Variants in EFR3A observed in about 807,000 individuals in gnomAD.
EFR3A encodes EFR3 homolog A, also known as protein EFR3 homolog A.
In EFR3A, 76 loss-of-function variants were observed where a neutral mutation model predicts 104.4. The observed-to-expected ratio is 0.73, with a 90% CI of 0.60 to 0.88. EFR3A has a LOEUF of 0.88. Ranked by LOEUF, EFR3A falls within the 40% of genes least tolerant of loss-of-function variation. The pLI, the probability that EFR3A is intolerant of heterozygous loss-of-function variation, is 0.00. For synonymous variants in EFR3A, 330 were observed against 330.0 expected (o/e 1.00, Z 0.00); for missense variants, 985 against 1,012.5 (o/e 0.97, Z 0.37).
chr8:132,000,373 C>T (rs1216172298), intron 19 of EFR3A, among the ~76,000 whole-genome samples: 3 of 152,134 alleles, frequency 2.0e-5, no homozygotes. Flanking sequence ...CATGATCCAC[C>T]CGCCTCCGCC....
At chr8:131,937,669 A>T (rs1464470570) in intron 1 of EFR3A, among the ~76,000 whole-genome samples, 1 of 152,194 alleles carries the variant, frequency 6.6e-6, no homozygotes, top group Non-Finnish European at 1.5e-5. Context: ...AAGGCACTAG[A>T]CATACAATTG....
intron 22 of EFR3A, among the ~76,000 whole-genome samples, chr8:132,005,867 A>G (rs1384979829): frequency 1.3e-5 from 2 of 152,154 alleles, no homozygotes; most frequent in Non-Finnish European, 2.9e-5. Flanking sequence ...GTGGGACTAT[A>G]GCAAGTGTAA....
chr8:131,927,829 G>A (rs1453733791), intron 1 of EFR3A, among the ~76,000 whole-genome samples: 1 of 152,046 alleles, frequency 6.6e-6, no homozygotes, highest in Non-Finnish European at 1.5e-5. Context: ...AAAAGTGAGA[G>A]TATAAAAAGA....
At chr8:131,926,014 AG>A (rs1817281112) in intron 1 of EFR3A, among the ~76,000 whole-genome samples, 1 of 152,132 alleles carries the variant, frequency 6.6e-6, no homozygotes, top group Non-Finnish European at 1.5e-5. Context: ...CACACTGTCA[AG>A]GCTAAAGCCA....
chr8:131,933,806 GT>G (rs1055878835), intron 1 of EFR3A, among the ~76,000 whole-genome samples: 31 of 146,540 alleles, frequency 2.1e-4, no homozygotes, highest in African/African-American at 2.2e-4. Context: ...AAAAGGTGCT[GT>G]TTTTTTTTTT....
Position 131,987,680 on chromosome 8 carries a change from T to G in EFR3A, c.2043T>G (p.Val681=), listed in dbSNP as rs1424069881. ...GSGYSVERLS[V]PYVPQVTDED... is the part of the protein sequence containing the mutation. The stretch of plus-strand genomic sequence containing the variant: ...GATATAGTGTTGAGAGATTGTCAGT[T>G]CCGTATGTACCACAAGTAACAGGTA... The change falls in exon 18 of 23, where the codon GTT becomes GTG. Residue 681 remains valine (V), a synonymous_variant. Coordinates refer to ENST00000254624, the MANE Select transcript of EFR3A (RefSeq NM_015137.6). 2 of 1,595,482 alleles carry G rather than the reference T, an allele frequency of 1.3e-6. No homozygotes were observed. The highest frequency in any genetic ancestry group is 4.5e-5 in the East Asian group (2 of 44,434).
chr8:132,004,207 C>A (rs1391892627), intron 22 of EFR3A, among the ~76,000 whole-genome samples: 1 of 152,120 alleles, frequency 6.6e-6, no homozygotes, highest in African/African-American at 2.4e-5. Flanking sequence ...AATTTAAGAA[C>A]AGAAAATCAG....
rs1347231322 is a variant in EFR3A at position 131,944,819 on chromosome 8, T to A, written c.162T>A (p.Ile54=). ...AVSAPEKLDR[I]GSYLAERLSR... ...CTGCTCCAGAGAAACTGGATCGAATTGGTTCTTACCTGGCAGAAAGGTTGA... is the reference window on the plus strand; with the variant it reads ...CTGCTCCAGAGAAACTGGATCGAATAGGTTCTTACCTGGCAGAAAGGTTGA... The change falls in exon 3 of 23, where the codon ATT becomes ATA. Residue 54 remains isoleucine, a synonymous_variant. Coordinates refer to ENST00000254624, the MANE Select transcript of EFR3A (RefSeq NM_015137.6). 1.9e-6 allele frequency: 3 copies of A among 1,610,568 alleles called. No individual in the cohort carries two copies. The highest frequency in any genetic ancestry group is 1.7e-6 in the Non-Finnish European group (2 of 1,178,262).
intron 2 of EFR3A, among the ~76,000 whole-genome samples, chr8:131,941,072 A>G (rs1012487177): frequency 2.0e-5 from 3 of 152,118 alleles, no homozygotes; most frequent in African/African-American, 7.2e-5. Context: ...GGTTGAGGAG[A>G]AGAAAGCCTG....
At chr8:132,005,259 G>C (rs933919577) in intron 22 of EFR3A, among the ~76,000 whole-genome samples, 1 of 152,134 alleles carries the variant, frequency 6.6e-6, no homozygotes, top group Non-Finnish European at 1.5e-5. Flanking sequence ...TGTGTCTTCA[G>C]AGTTTTCAGG....
intron 13 of EFR3A, 30 bp downstream of exon 13, chr8:131,979,049 G>A: frequency 6.4e-7 from 1 of 1,559,874 alleles, no homozygotes. Flanking sequence ...TGGATCTAAT[G>A]ATAATGTTTT....
chr8:131,968,775 T>C lies in EFR3A; in HGVS notation c.991+345T>C, dbSNP rs1819898904. ...TACTGTAATATGTGGCAAGCTTTGA[T>C]CACATATCATTTAAAAAGCCAGGGT... On this transcript the variant is annotated intron_variant, in intron 9 of 22. Coordinates refer to ENST00000254624, the MANE Select transcript of EFR3A (RefSeq NM_015137.6). 2.0e-5 allele frequency among the ~76,000 whole-genome samples: 3 copies of C among 152,154 alleles called. No homozygotes were observed. In the South Asian group the frequency reaches 6.2e-4, roughly 32 times the overall value.
chr8:131,977,871 C>G (rs1225020902), intron 12 of EFR3A, among the ~76,000 whole-genome samples: 2 of 151,930 alleles, frequency 1.3e-5, no homozygotes, highest in Non-Finnish European at 2.9e-5. Flanking sequence ...TCATTTGTAT[C>G]TTATATAAGA....
rs775731134 is a variant in EFR3A, at chr8:131,969,715, GTTAT to G, written c.992-757_992-754del. ...CTTGTAACTTGAAGAGATAAAACTG[GTTAT>G]TTAATTGGAAAGTTATTTAATTGCA... is the stretch of plus-strand genomic sequence containing the variant. On this transcript the variant is annotated intron_variant, in intron 9 of 22. Coordinates refer to ENST00000254624, the MANE Select transcript of EFR3A (RefSeq NM_015137.6). Among the ~76,000 whole-genome samples the G allele has an allele frequency of 6.0e-4, 91 of 151,914 alleles. 2 individuals are homozygous for G. The highest frequency in any genetic ancestry group is 5.8e-4 in the African/African-American group (24 of 41,360).
At chr8:131,979,730 T>C (rs1820513346) in intron 14 of EFR3A, among the ~76,000 whole-genome samples, 1 of 152,142 alleles carries the variant, frequency 6.6e-6, no homozygotes. Flanking sequence ...GATTCCTCTT[T>C]TAGCAGCTCT....
intron 17 of EFR3A, among the ~76,000 whole-genome samples, chr8:131,987,096 T>A (rs1230654614): frequency 6.6e-6 from 1 of 152,120 alleles, no homozygotes; most frequent in Non-Finnish European, 1.5e-5. Flanking sequence ...TTTGAAAGCA[T>A]CAGCATAAGA....
chr8:131,957,372 A>G (rs1270554774), intron 7 of EFR3A, among the ~76,000 whole-genome samples: 2 of 128,726 alleles, frequency 1.6e-5, no homozygotes, highest in Non-Finnish European at 3.1e-5. Context: ...TTTTTTTGAG[A>G]CAGAGTTTGC....
At chr8:131,999,069 CCTGAAATCACCACACTACTCTTCTCT>C (rs926776455) in intron 19 of EFR3A, among the ~76,000 whole-genome samples, 2 of 151,934 alleles carry the variant, frequency 1.3e-5, no homozygotes, top group Non-Finnish European at 2.9e-5. Context: ...ATGAGTAAAA[CCTGAAATCACCACACTACTCTTCTCT>C]CTAAAAGCTT....
At chr8:131,991,629 G>A (rs1821188916) in intron 18 of EFR3A, among the ~76,000 whole-genome samples, 1 of 152,068 alleles carries the variant, frequency 6.6e-6, no homozygotes. Context: ...AGGGGATTTT[G>A]CTAAAGCCTT....
Sources: allele counts gnomAD v4.1 joint callset (sites outside exome capture counted in the v4.1 genomes callset), GRCh38; gene constraint gnomAD v4.1.1; transcripts MANE v1.5; gene names NCBI Gene and HGNC (gene_info 2026-07-23, HGNC 2026-07-21).